Variants in SUPT3H observed in about 807,000 individuals in gnomAD.
SUPT3H encodes SPT3 homolog, SAGA and STAGA complex component.
Under a neutral mutation model 44.3 loss-of-function variants are expected in SUPT3H, and 44 were observed. The observed-to-expected ratio is 0.99, with a 90% CI of 0.78 to 1.28. The LOEUF is 1.28. Ranked by LOEUF, SUPT3H falls within the 50% of genes most tolerant of loss-of-function variation. The pLI is 0.00. For synonymous variants in SUPT3H, 124 were observed against 125.6 expected (o/e 0.99, Z 0.09); for missense variants, 380 against 387.1 (o/e 0.98, Z 0.15).
intron 4 of SUPT3H, among the ~76,000 whole-genome samples, chr6:45,015,851 A>G (rs1170181127): frequency 6.6e-6 from 1 of 151,844 alleles, no homozygotes; most frequent in African/African-American, 2.4e-5. Context: ...GACCGTCAAT[A>G]TCACTGTCTT....
chr6:45,035,015 T>G (rs556405420), intron 3 of SUPT3H, among the ~76,000 whole-genome samples: 1 of 152,278 alleles, frequency 6.6e-6, no homozygotes, highest in South Asian at 2.1e-4. Flanking sequence ...ATTTGACCAA[T>G]CAACATCCAG....
intron 6 of SUPT3H, among the ~76,000 whole-genome samples, chr6:44,976,371 T>A (rs1007539148): frequency 6.6e-6 from 1 of 152,114 alleles, no homozygotes; most frequent in African/African-American, 2.4e-5. Context: ...TGTCTTTTTT[T>A]TTTTTCTTGA....
intron 2 of SUPT3H, among the ~76,000 whole-genome samples, chr6:45,227,192 A>G (rs1767104237): frequency 6.6e-6 from 1 of 151,726 alleles, no homozygotes; most frequent in South Asian, 2.1e-4. Context: ...ATATGAAATA[A>G]TACTAAAATA....
chr6:45,210,619 CT>C (rs1456496671), intron 2 of SUPT3H, among the ~76,000 whole-genome samples: 1 of 152,190 alleles, frequency 6.6e-6, no homozygotes, highest in Non-Finnish European at 1.5e-5. Context: ...AAGCTGTGCT[CT>C]GACCACCTTG....
At chr6:44,870,890 T>G (rs1470489370) in intron 10 of SUPT3H, among the ~76,000 whole-genome samples, 2 of 151,692 alleles carry the variant, frequency 1.3e-5, no homozygotes, top group Non-Finnish European at 2.9e-5. Context: ...GGGTGACGGA[T>G]GCACCTGGAA....
At chr6:44,842,650 TAAG>T (rs1384242058) in intron 10 of SUPT3H, among the ~76,000 whole-genome samples, 1 of 152,090 alleles carries the variant, frequency 6.6e-6, no homozygotes, top group Admixed American at 6.6e-5. Flanking sequence ...TACATAAAGA[TAAG>T]AAAGATTATT....
chr6:45,030,790 T>C (rs1422704876), intron 3 of SUPT3H, among the ~76,000 whole-genome samples: 2 of 152,172 alleles, frequency 1.3e-5, no homozygotes, highest in East Asian at 3.9e-4. Flanking sequence ...ACTTTATAAT[T>C]TTGTCTTTTT....
chr6:44,833,845 G>A (rs604511), intron 10 of SUPT3H, among the ~76,000 whole-genome samples: 149,954 of 152,250 alleles, frequency 0.98, 73,899 homozygotes, highest in East Asian at 1. Flanking sequence ...AACAAACTCA[G>A]TTCTTGCTAA....
At chr6:45,141,344 A>AC (rs1216001034) in intron 2 of SUPT3H, among the ~76,000 whole-genome samples, 2 of 149,022 alleles carry the variant, frequency 1.3e-5, no homozygotes, top group Admixed American at 1.3e-4. Flanking sequence ...ATCTCAAAAA[A>AC]AAAAAAAAAA....
At chr6:44,984,466 T>A (rs1779503998) in intron 6 of SUPT3H, among the ~76,000 whole-genome samples, 1 of 152,146 alleles carries the variant, frequency 6.6e-6, no homozygotes, top group Non-Finnish European at 1.5e-5. Flanking sequence ...GTAGGTTGCT[T>A]AGAAGATACA....
At position 45,232,607 on chromosome 6, in the gene SUPT3H, G is replaced by C. The variant is rs138217381; in HGVS notation, c.102-126601C>G. ...AGATGAGAGGGTTCTTGAGTCACTG[G>C]ATAACCTGTGTGATGTGGGTGATGG... is the stretch of plus-strand genomic sequence containing the variant. On this transcript the variant is annotated intron_variant, in intron 2 of 10. Coordinates refer to ENST00000371459, the MANE Select transcript of SUPT3H (RefSeq NM_003599.4). 5.4e-3 allele frequency among the ~76,000 whole-genome samples: 830 copies of C among 152,298 alleles called. 8 individuals carry two copies. The highest frequency in any genetic ancestry group is 0.018 in the African/African-American group (756 of 41,564).
chr6:44,953,566 TTGACTGG>T, intron 8 of SUPT3H, 149 bp from the exon 9 acceptor site: 1 of 625,264 alleles, frequency 1.6e-6, no homozygotes, highest in South Asian at 2.0e-5. Context: ...CACACTTTCA[TTGACTGG>T]TGAATGGACC....
chr6:45,154,086 A>AC (rs1554264795), intron 2 of SUPT3H, among the ~76,000 whole-genome samples: 12 of 141,490 alleles, frequency 8.5e-5, no homozygotes, highest in Non-Finnish European at 1.8e-4. Context: ...AAAAAAAAAA[A>AC]AAGCGCTTAG....
intron 6 of SUPT3H, among the ~76,000 whole-genome samples, chr6:44,970,915 T>G (rs1027733281): frequency 6.6e-6 from 1 of 152,210 alleles, no homozygotes; most frequent in Non-Finnish European, 1.5e-5. Flanking sequence ...TAGTCAAATA[T>G]GCACACTTTA....
intron 2 of SUPT3H, among the ~76,000 whole-genome samples, chr6:45,225,722 T>C (rs1232997809): frequency 6.6e-6 from 1 of 152,196 alleles, no homozygotes; most frequent in East Asian, 1.9e-4. Context: ...TAACAGAGTC[T>C]GCTGTAGAAT....
intron 9 of SUPT3H, among the ~76,000 whole-genome samples, chr6:44,937,786 T>TTTG (rs560086740): frequency 3.3e-5 from 5 of 152,106 alleles, no homozygotes; most frequent in African/African-American, 4.8e-5. Flanking sequence ...TTGGTGTTTT[T>TTTG]TTGTTGTTGT....
intron 2 of SUPT3H, among the ~76,000 whole-genome samples, chr6:45,118,086 AT>A (rs1256837243): frequency 3.9e-5 from 6 of 152,144 alleles, no homozygotes; most frequent in Admixed American, 1.3e-4. Context: ...TTACTTTAGT[AT>A]AAAGTCTATA....
intron 2 of SUPT3H, among the ~76,000 whole-genome samples, chr6:45,353,360 T>C (rs1346998272): frequency 6.6e-6 from 1 of 152,062 alleles, no homozygotes; most frequent in African/African-American, 2.4e-5. Flanking sequence ...AGAAAAGTTA[T>C]GCGGATGGAC....
chr6:45,038,682 T>A (rs573309094), intron 3 of SUPT3H, among the ~76,000 whole-genome samples: 30 of 152,272 alleles, frequency 2.0e-4, no homozygotes, highest in African/African-American at 4.1e-4. Context: ...TAATTTTTTT[T>A]AATAACATTA....
Sources: allele counts gnomAD v4.1 joint callset (sites outside exome capture counted in the v4.1 genomes callset), GRCh38; gene constraint gnomAD v4.1.1; transcripts MANE v1.5; gene names NCBI Gene and HGNC (gene_info 2026-07-23, HGNC 2026-07-21).